ZFPM2: variants seen among roughly 807,000 people sequenced by gnomAD.
ZFPM2 encodes zinc finger protein ZFPM2.
A neutral mutation model predicts 98.6 loss-of-function variants in ZFPM2; 20 were observed. The ratio of observed to expected loss-of-function variants is 0.20; its 90% CI spans 0.14 to 0.29. The LOEUF is 0.29. Ranked by LOEUF, ZFPM2 falls within the 10% of genes least tolerant of loss-of-function variation. The probability of loss-of-function intolerance (pLI) is 1.00; values close to 1 mark genes in which losing one functional copy is unlikely to be tolerated. For synonymous variants in ZFPM2, 518 were observed against 502.7 expected (o/e 1.03, Z -0.41); for missense variants, 1,310 against 1,388.6 (o/e 0.94, Z 0.90).
At chr8:105,558,659 C>A (rs1256564547) in intron 3 of ZFPM2, among the ~76,000 whole-genome samples, 1 of 152,104 alleles carries the variant, frequency 6.6e-6, no homozygotes. Flanking sequence ...TGAGTCCAAA[C>A]CCTTTTCAAA....
chr8:105,752,189 T>C (rs1187479710), intron 5 of ZFPM2, among the ~76,000 whole-genome samples: 1 of 152,170 alleles, frequency 6.6e-6, no homozygotes, highest in Non-Finnish European at 1.5e-5. Context: ...TTTAATATTC[T>C]TTTCTGTAAT....
chr8:105,716,404 A>G (rs927333014), intron 5 of ZFPM2, among the ~76,000 whole-genome samples: 7 of 151,932 alleles, frequency 4.6e-5, no homozygotes, highest in Admixed American at 1.3e-4. Context: ...CAGTTTATAC[A>G]TACACACATA....
intron 3 of ZFPM2, among the ~76,000 whole-genome samples, chr8:105,458,422 T>G (rs536991516): frequency 6.7e-6 from 1 of 148,850 alleles, no homozygotes; most frequent in Admixed American, 6.7e-5. Flanking sequence ...GAATGAAATT[T>G]AAAAAAAAAA....
intron 3 of ZFPM2, among the ~76,000 whole-genome samples, chr8:105,512,902 G>A (rs1376391136): frequency 6.6e-6 from 1 of 151,994 alleles, no homozygotes; most frequent in East Asian, 1.9e-4. Flanking sequence ...GTGTGTGCAT[G>A]TTTCAAAATT....
At chr8:105,746,180 C>T (rs565436666) in intron 5 of ZFPM2, among the ~76,000 whole-genome samples, 2 of 151,306 alleles carry the variant, frequency 1.3e-5, no homozygotes, top group Non-Finnish European at 2.9e-5. Context: ...GTGGCTTATT[C>T]GAGGAAAGTC....
chr8:105,395,182 GT>G (rs1276816387), intron 1 of ZFPM2, among the ~76,000 whole-genome samples: 2 of 152,150 alleles, frequency 1.3e-5, no homozygotes, highest in Non-Finnish European at 2.9e-5. Context: ...AGCTGCCATA[GT>G]TTGTCTAGGT....
chr8:105,667,578 A>T (rs1177393927), intron 5 of ZFPM2, among the ~76,000 whole-genome samples: 2 of 152,238 alleles, frequency 1.3e-5, no homozygotes, highest in Non-Finnish European at 2.9e-5. Context: ...TTCCCAAATT[A>T]TCTGAAGGGC....
chr8:105,668,518 G>T (rs1276325084), intron 5 of ZFPM2, among the ~76,000 whole-genome samples: 2 of 152,176 alleles, frequency 1.3e-5, no homozygotes, highest in African/African-American at 2.4e-5. Flanking sequence ...AAAAGTGGGG[G>T]TACATTTTTG....
At chr8:105,529,329 A>G (rs907523671) in intron 3 of ZFPM2, among the ~76,000 whole-genome samples, 1 of 152,108 alleles carries the variant, frequency 6.6e-6, no homozygotes, top group Non-Finnish European at 1.5e-5. Flanking sequence ...TTAGGATTTC[A>G]TATGCATTTT....
chr8:105,321,025 G>A (rs1210410765), intron 1 of ZFPM2, among the ~76,000 whole-genome samples: 2 of 152,140 alleles, frequency 1.3e-5, no homozygotes, highest in South Asian at 2.1e-4. Flanking sequence ...GATAATCTGT[G>A]CAAATGTGGA....
intron 3 of ZFPM2, among the ~76,000 whole-genome samples, chr8:105,474,996 A>G (rs1055875044): frequency 3.9e-5 from 6 of 152,232 alleles, no homozygotes; most frequent in African/African-American, 1.4e-4. Context: ...AAATGAAAGA[A>G]CATCCATATA....
chr8:105,362,934 C>T (rs1254567699), intron 1 of ZFPM2, among the ~76,000 whole-genome samples: 7 of 152,224 alleles, frequency 4.6e-5, no homozygotes, highest in Non-Finnish European at 7.4e-5. Flanking sequence ...ACAATATTTC[C>T]TAAGGTAGCC....
intron 3 of ZFPM2, among the ~76,000 whole-genome samples, chr8:105,485,460 A>G (rs952358173): frequency 7.9e-5 from 12 of 152,102 alleles, no homozygotes; most frequent in East Asian, 1.9e-4. Context: ...CAAGGCTGCA[A>G]TGAGCTATGA....
At chr8:105,580,827 C>CTCTATATATA (rs1277698205) in intron 4 of ZFPM2, among the ~76,000 whole-genome samples, 40 of 131,466 alleles carry the variant, frequency 3.0e-4, no homozygotes, top group African/African-American at 1.0e-3. Context: ...CTCTCTCTCT[C>CTCTATATATA]TATATATATA....
rs531106520 is a variant in ZFPM2, at chr8:105,402,666, C to T, written c.41-16478C>T. ...ATATTTTATTTTGTTAAATTAGTCC[C>T]AACAAGCATTTAGACTCATCAAAAT... On this transcript the variant is annotated intron_variant, in intron 1 of 7. Coordinates refer to ENST00000407775, the MANE Select transcript of ZFPM2 (RefSeq NM_012082.4). Among the ~76,000 whole-genome samples the T allele has an allele frequency of 2.6e-4, 39 of 151,936 alleles. 1 individual carries two copies. In the South Asian group the frequency reaches 8.1e-3, roughly 32 times the overall value.
At chr8:105,540,567 C>T (rs1222257646) in intron 3 of ZFPM2, among the ~76,000 whole-genome samples, 1 of 152,074 alleles carries the variant, frequency 6.6e-6, no homozygotes, top group African/African-American at 2.4e-5. Context: ...AACATACTTT[C>T]TCTTAATAAA....
intron 3 of ZFPM2, among the ~76,000 whole-genome samples, chr8:105,542,469 C>T (rs1814598403): frequency 1.3e-5 from 2 of 152,116 alleles, no homozygotes; most frequent in African/African-American, 4.8e-5. Flanking sequence ...ACAGTTGTCT[C>T]TTGAATAATG....
intron 5 of ZFPM2, among the ~76,000 whole-genome samples, chr8:105,709,888 T>G (rs1811340938): frequency 6.6e-6 from 1 of 152,144 alleles, no homozygotes; most frequent in Non-Finnish European, 1.5e-5. Flanking sequence ...TCAGAGGGGT[T>G]TGCAAACCTT....
At chr8:105,531,911 C>G (rs1213577077) in intron 3 of ZFPM2, among the ~76,000 whole-genome samples, 2 of 151,958 alleles carry the variant, frequency 1.3e-5, no homozygotes. Context: ...CTTTTCTTTT[C>G]TTTTTCTGAG....
Sources: allele counts gnomAD v4.1 joint callset (sites outside exome capture counted in the v4.1 genomes callset), GRCh38; gene constraint gnomAD v4.1.1; transcripts MANE v1.5; gene names NCBI Gene and HGNC (gene_info 2026-07-23, HGNC 2026-07-21).